SYN3: variants seen among roughly 807,000 people sequenced by gnomAD.
SYN3 encodes synapsin III.
Under a neutral mutation model 65.8 loss-of-function variants are expected in SYN3, and 35 were observed. That is an observed-to-expected ratio of 0.53 (90% confidence interval 0.41 to 0.70). The LOEUF (loss-of-function observed/expected upper bound fraction) is 0.70, where lower values mean the gene tolerates loss of function less well. Ranked by LOEUF, SYN3 falls within the 30% of genes least tolerant of loss-of-function variation. The pLI, the probability that SYN3 is intolerant of heterozygous loss-of-function variation, is 0.00. For synonymous variants in SYN3, 270 were observed against 292.9 expected (o/e 0.92, Z 0.80); for missense variants, 680 against 749.0 (o/e 0.91, Z 1.08).
chr22:32,830,191 C>T (rs535971919), intron 6 of SYN3, among the ~76,000 whole-genome samples: 137 of 152,292 alleles, frequency 9.0e-4, no homozygotes, highest in African/African-American at 3.3e-3. Flanking sequence ...TCCTTTTTCC[C>T]GCTGCCCTCT....
intron 4 of SYN3, among the ~76,000 whole-genome samples, chr22:32,908,013 A>G (rs1214211786): frequency 1.3e-5 from 2 of 152,188 alleles, no homozygotes; most frequent in Non-Finnish European, 2.9e-5. Context: ...TAATTTGTCC[A>G]ATGTCAATGC....
chr22:32,884,509 G>A (rs1430584955), intron 4 of SYN3, among the ~76,000 whole-genome samples: 1 of 152,216 alleles, frequency 6.6e-6, no homozygotes, highest in Non-Finnish European at 1.5e-5. Flanking sequence ...AACTTCAGAT[G>A]TTTTTCTATG....
At chr22:32,772,682 G>C (rs2045805499) in intron 6 of SYN3, among the ~76,000 whole-genome samples, 1 of 152,196 alleles carries the variant, frequency 6.6e-6, no homozygotes, top group Admixed American at 6.5e-5. Context: ...GGCAGAGGGA[G>C]ACTTAAGACA....
chr22:32,960,846 CT>C (rs566383570), intron 3 of SYN3, among the ~76,000 whole-genome samples: 4 of 152,120 alleles, frequency 2.6e-5, no homozygotes, highest in Non-Finnish European at 4.4e-5. Context: ...ATCACAGGCC[CT>C]TTTGCCTCAG....
At chr22:33,008,570 C>T (rs2053257140) in intron 1 of SYN3, among the ~76,000 whole-genome samples, 1 of 151,996 alleles carries the variant, frequency 6.6e-6, no homozygotes, top group African/African-American at 2.4e-5. Flanking sequence ...TAACTGAATA[C>T]CATTCTACTG....
intron 6 of SYN3, among the ~76,000 whole-genome samples, chr22:32,808,470 G>C (rs1393164465): frequency 6.6e-6 from 1 of 152,216 alleles, no homozygotes; most frequent in Non-Finnish European, 1.5e-5. Flanking sequence ...ATGGGAGCTA[G>C]AAGGCCTGGT....
intron 6 of SYN3, among the ~76,000 whole-genome samples, chr22:32,635,673 A>G (rs985559115): frequency 2.5e-4 from 38 of 152,134 alleles, no homozygotes; most frequent in African/African-American, 8.9e-4. Flanking sequence ...TATGTGCTGG[A>G]TGAATGACAG....
chr22:32,521,111 G>A (rs1259229790), intron 12 of SYN3, among the ~76,000 whole-genome samples: 4 of 152,146 alleles, frequency 2.6e-5, no homozygotes, highest in African/African-American at 9.7e-5. Flanking sequence ...GGGCCAACCA[G>A]GTATGTAAAT....
chr22:32,561,757 T>C (rs902298311), intron 7 of SYN3, among the ~76,000 whole-genome samples: 4 of 152,314 alleles, frequency 2.6e-5, no homozygotes, highest in Non-Finnish European at 2.9e-5. Context: ...GAGCATGGAA[T>C]CTACTCTGCT....
chr22:32,965,314 G>A (rs951244137), intron 3 of SYN3, among the ~76,000 whole-genome samples: 26 of 152,128 alleles, frequency 1.7e-4, no homozygotes, highest in African/African-American at 6.0e-4. Context: ...CATGCCAAAG[G>A]CTCTTTGGGT....
chr22:32,742,831 G>A (rs553797392), intron 6 of SYN3, among the ~76,000 whole-genome samples: 3 of 152,076 alleles, frequency 2.0e-5, no homozygotes, highest in Non-Finnish European at 2.9e-5. Flanking sequence ...GTCTTATCAC[G>A]CCATTAATAG....
intron 2 of SYN3, among the ~76,000 whole-genome samples, chr22:33,003,747 ATAAG>A (rs2053127079): frequency 6.6e-6 from 1 of 152,244 alleles, no homozygotes. Flanking sequence ...AGAAATTTGC[ATAAG>A]TAACAAGGAG....
chr22:32,747,026 C>T (rs561061956), intron 6 of SYN3, among the ~76,000 whole-genome samples: 1 of 152,266 alleles, frequency 6.6e-6, no homozygotes, highest in Admixed American at 6.5e-5. Context: ...CTGGAGGGAG[C>T]CTGGGTGGGG....
intron 3 of SYN3, among the ~76,000 whole-genome samples, chr22:32,965,958 T>C (rs970777861): frequency 1.3e-5 from 2 of 152,208 alleles, no homozygotes; most frequent in African/African-American, 4.8e-5. Flanking sequence ...CCTCCCAAAG[T>C]GCTGGGATTA....
chr22:32,566,820 A>ATGTTC (rs2058677959), intron 7 of SYN3, among the ~76,000 whole-genome samples: 1 of 152,196 alleles, frequency 6.6e-6, no homozygotes, highest in Non-Finnish European at 1.5e-5. Flanking sequence ...TTTAGTGTTG[A>ATGTTC]AAGATGCCCT....
At chr22:32,603,169 G>C (rs1365713620) in intron 6 of SYN3, among the ~76,000 whole-genome samples, 1 of 151,956 alleles carries the variant, frequency 6.6e-6, no homozygotes, top group East Asian at 1.9e-4. Context: ...ACGGGACCAG[G>C]CACTTTATGG....
At chr22:32,914,688 C>T (rs555348229) in intron 4 of SYN3, among the ~76,000 whole-genome samples, 2 of 152,144 alleles carry the variant, frequency 1.3e-5, no homozygotes, top group African/African-American at 4.8e-5. Context: ...GTGATCCGCC[C>T]GCCTCGGCCT....
chr22:32,927,053 G>A (rs566387315), intron 4 of SYN3, among the ~76,000 whole-genome samples: 1 of 152,272 alleles, frequency 6.6e-6, no homozygotes, highest in East Asian at 1.9e-4. Flanking sequence ...TAAGGTGGCT[G>A]AAGTCACTCA....
At chr22:32,721,293 G>A (rs1011549558) in intron 6 of SYN3, among the ~76,000 whole-genome samples, 8 of 152,200 alleles carry the variant, frequency 5.3e-5, no homozygotes, top group Non-Finnish European at 1.0e-4. Flanking sequence ...AGAGGAAAGA[G>A]GGGATCATGC....
Sources: gnomAD v4.1 joint callset for allele counts (sites outside exome capture counted in the v4.1 genomes callset) on GRCh38, gnomAD v4.1.1 for gene constraint, MANE v1.5 for transcripts, NCBI Gene and HGNC (gene_info 2026-07-23, HGNC 2026-07-21) for gene names.